POLR3A: variants seen among roughly 807,000 people sequenced by gnomAD.
POLR3A encodes the protein DNA-directed RNA polymerase III subunit RPC1.
A neutral mutation model predicts 152.8 loss-of-function variants in POLR3A; 112 were observed. The observed-to-expected ratio is 0.73, with a 90% CI of 0.63 to 0.86. POLR3A has a LOEUF of 0.86. Ranked by LOEUF, POLR3A falls within the 40% of genes least tolerant of loss-of-function variation. The pLI is 0.00. For missense variants in POLR3A, 1,385 were observed against 1,743.1 expected (o/e 0.79, Z 3.66); for synonymous variants, 615 against 652.1 (o/e 0.94, Z 0.87).
intron 20 of POLR3A, 58 bp downstream of exon 20, chr10:77,993,139 C>G: frequency 7.6e-7 from 1 of 1,312,088 alleles, no homozygotes. Context: ...ACAGTACTTC[C>G]GTCCTAAAGA....
intron 1 of POLR3A, among the ~76,000 whole-genome samples, chr10:78,027,275 A>T (rs779496507): frequency 3.9e-5 from 6 of 152,262 alleles, no homozygotes; most frequent in Non-Finnish European, 8.8e-5. Flanking sequence ...ATACTGGAGC[A>T]TAGAAAGCTA....
At chr10:77,989,014 C>T (rs1847223163) in intron 21 of POLR3A, among the ~76,000 whole-genome samples, 2 of 151,554 alleles carry the variant, frequency 1.3e-5, no homozygotes, top group African/African-American at 2.4e-5. Flanking sequence ...AATGACATAG[C>T]TCAGCTTTCA....
chr10:78,012,277 T>C (rs553670042), intron 11 of POLR3A, among the ~76,000 whole-genome samples: 105 of 151,372 alleles, frequency 6.9e-4, no homozygotes, highest in Non-Finnish European at 5.4e-4. Context: ...GGCAGGAGAA[T>C]CACTTGAACC....
intron 9 of POLR3A, among the ~76,000 whole-genome samples, chr10:78,017,989 C>T (rs1320311171): frequency 1.3e-5 from 2 of 151,380 alleles, no homozygotes; most frequent in East Asian, 3.9e-4. Flanking sequence ...GACTGGGCAA[C>T]ATGGTGAGAC....
At chr10:77,994,286 C>T (rs1847277215) in intron 19 of POLR3A, among the ~76,000 whole-genome samples, 2 of 152,128 alleles carry the variant, frequency 1.3e-5, no homozygotes, top group South Asian at 4.1e-4. Flanking sequence ...CGTCTACTGA[C>T]TTGGAAATAG....
intron 17 of POLR3A, 36 bp from the exon 18 acceptor site, chr10:78,001,130 C>T (rs1263433548): frequency 8.9e-6 from 10 of 1,127,074 alleles, no homozygotes; most frequent in East Asian, 2.4e-5. Context: ...CATTCATTTA[C>T]CAAAATAACA....
intron 19 of POLR3A, among the ~76,000 whole-genome samples, chr10:77,995,884 A>G (rs1231090438): frequency 6.6e-6 from 1 of 152,224 alleles, no homozygotes; most frequent in African/African-American, 2.4e-5. Flanking sequence ...CACCACACCT[A>G]TTCCAAAACT....
At chr10:77,994,277 G>A (rs374000587) in intron 19 of POLR3A, among the ~76,000 whole-genome samples, 6 of 152,078 alleles carry the variant, frequency 3.9e-5, no homozygotes, top group East Asian at 1.9e-4. Flanking sequence ...GGAAATAGGC[G>A]TCTACTGACT....
intron 19 of POLR3A, among the ~76,000 whole-genome samples, chr10:77,998,482 T>C (rs1395154720): frequency 2.6e-5 from 4 of 152,014 alleles, no homozygotes; most frequent in African/African-American, 4.8e-5. Context: ...CATCAAAAAG[T>C]GGGTGAAGGA....
chr10:77,989,931 G>A (rs982879208), intron 21 of POLR3A, among the ~76,000 whole-genome samples: 3 of 152,138 alleles, frequency 2.0e-5, no homozygotes, highest in African/African-American at 7.2e-5. Context: ...TTAAAATCTG[G>A]AAGAGTCTCT....
chr10:77,982,038 CA>C (rs553149963), intron 28 of POLR3A, 115 bp downstream of exon 28: 24,387 of 262,954 alleles, frequency 0.093, 1 homozygote, highest in South Asian at 0.11. Context: ...GACTCCATCT[CA>C]AAAAAAAAAA....
At chr10:77,999,246 T>C (rs778645182) in intron 19 of POLR3A, among the ~76,000 whole-genome samples, 47 of 152,102 alleles carry the variant, frequency 3.1e-4, no homozygotes, top group Admixed American at 1.3e-4. Context: ...CATGTATACA[T>C]ATGTAACAAA....
Position 78,017,466 on chromosome 10 carries a change from GA to G in POLR3A, c.1431+108del. 5 of 1,116,936 alleles carry G rather than the reference GA, an allele frequency of 4.5e-6. No individual in the cohort carries two copies. In the South Asian group the frequency reaches 6.8e-5, roughly 15 times the overall value. 69.2% of individuals were successfully genotyped at this position (1,116,936 alleles called of 1,614,324 possible). ...TGTCTCAAAAAAAAAAAAAAGTTAT[GA>G]AAACTTGAGATAACAGGCAATTTTA... On this transcript the variant is annotated intron_variant, in intron 10 of 30. Transcript: ENST00000372371.
In POLR3A at chr10:78,029,380, C is replaced by T; in HGVS notation, c.28G>A (p.Asp10Asn). 1 of 1,614,146 alleles carries T rather than the reference C, an allele frequency of 6.2e-7. No individual in the cohort carries two copies. The highest frequency in any genetic ancestry group is 8.5e-7 in the Non-Finnish European group (1 of 1,180,036). ...CCGTCTTACATTTTCTTGGCCACAT[C>T]CGTCTCCCGGAACTGCTCCTTCACC... The part of the protein sequence containing the change: MVKEQFRET[D>N]VAKKISHICF... Residue 10 changes from aspartate to asparagine, a missense_variant, in exon 1 of 31, where the codon GAT becomes AAT. Transcript: ENST00000372371.
intron 24 of POLR3A, among the ~76,000 whole-genome samples, chr10:77,984,794 C>T (rs1203619088): frequency 6.6e-6 from 1 of 152,198 alleles, no homozygotes; most frequent in African/African-American, 2.4e-5. Flanking sequence ...TCACCAGGGG[C>T]TCACAGAATA....
rs1847159551 is a variant in POLR3A, at chr10:77,982,740, A to G, written c.3507T>C (p.Gly1169=). 2 of 1,613,834 alleles carry G rather than the reference A, an allele frequency of 1.2e-6. No individual in the cohort carries two copies. Among genetic ancestry groups the G allele is most frequent in the Non-Finnish European group, 8.5e-7 (1 of 1,179,842 alleles). Residue 1169 remains glycine (G), a synonymous_variant, in exon 27 of 31, where the codon GGT becomes GGC. Transcript: ENST00000372371. The stretch of plus-strand genomic sequence containing the variant: ...TGGGGGTGACACACACCACAGCCTC[A>G]CCATGAACAGCCACATCACCGGGCT... ...RVKPGDVAVH[G]EAVVCVTPRE...
At position 77,993,374 on chromosome 10, in the gene POLR3A, G is replaced by A. The variant is rs2131937185; in HGVS notation, c.2617-7C>T. The A allele has an allele frequency of 6.2e-7, 1 of 1,611,962 alleles. No individual in the cohort carries two copies. The highest frequency in any genetic ancestry group is 8.5e-7 in the Non-Finnish European group (1 of 1,178,144). ...GAGATTTGACAAGCCTTCGCTAAAGGAAAAGGAGGAAAAAGCTCAGCTGCT... is the reference window on the plus strand; with the variant it reads ...GAGATTTGACAAGCCTTCGCTAAAGAAAAAGGAGGAAAAAGCTCAGCTGCT... On this transcript the variant is annotated splice_region_variant and splice_polypyrimidine_tract_variant and intron_variant, in intron 19 of 30. Coordinates refer to ENST00000372371, the MANE Select transcript of POLR3A (RefSeq NM_007055.4).
chr10:77,985,753 T>A, intron 23 of POLR3A, 150 bp downstream of exon 23: 1 of 713,500 alleles, frequency 1.4e-6, no homozygotes, highest in East Asian at 2.7e-5. Context: ...TGGCAATTCA[T>A]CAGACCCCCT....
In POLR3A at chr10:78,012,554, C is replaced by G. The variant is rs536061385; in HGVS notation, c.1572+1096G>C. On this transcript the variant is annotated intron_variant, in intron 11 of 30. Transcript: ENST00000372371. ...CTTACAACTATAAGACTTACCAGTT[C>G]CTAATATAGGAAGCTGGAATACTGA... 4.6e-5 allele frequency among the ~76,000 whole-genome samples: 7 copies of G among 152,020 alleles called. No individual in the cohort carries two copies. The South Asian group carries it at 1.5e-3, about 32-fold the overall frequency.
Sources: gnomAD v4.1 joint callset for allele counts (sites outside exome capture counted in the v4.1 genomes callset) on GRCh38, gnomAD v4.1.1 for gene constraint, MANE v1.5 for transcripts, NCBI Gene and HGNC (gene_info 2026-07-23, HGNC 2026-07-21) for gene names.